The following GRID2 variants were observed in gnomAD, a reference collection of about 807,000 sequenced individuals.
GRID2 encodes the protein glutamate ionotropic receptor delta type subunit 2, also known as glutamate receptor ionotropic, delta-2.
A neutral mutation model predicts 114.8 loss-of-function variants in GRID2; 33 were observed. The observed-to-expected ratio is 0.29, with a 90% CI of 0.22 to 0.38. The LOEUF is 0.38. Ranked by LOEUF, GRID2 falls within the 10% of genes least tolerant of loss-of-function variation. The pLI, the probability that GRID2 is intolerant of heterozygous loss-of-function variation, is 1.00. For synonymous variants in GRID2, 505 were observed against 449.9 expected (o/e 1.12, Z -1.55); for missense variants, 1,184 against 1,257.7 (o/e 0.94, Z 0.89).
chr4:93,045,253 G>A (rs935668329), intron 2 of GRID2, among the ~76,000 whole-genome samples: 14 of 152,136 alleles, frequency 9.2e-5, no homozygotes, highest in Non-Finnish European at 1.0e-4. Context: ...TGTCTAGTTG[G>A]CCTTGGTCTA....
At chr4:92,625,496 A>C (rs1181028272) in intron 2 of GRID2, among the ~76,000 whole-genome samples, 1 of 151,844 alleles carries the variant, frequency 6.6e-6, no homozygotes, top group East Asian at 1.9e-4. Context: ...AACCAGGGAA[A>C]TAGTGTTTCG....
intron 2 of GRID2, among the ~76,000 whole-genome samples, chr4:92,715,098 GCCT>G (rs1560549060): frequency 6.6e-6 from 1 of 151,982 alleles, no homozygotes; most frequent in Non-Finnish European, 1.5e-5. Context: ...CACCCAAGTC[GCCT>G]CTTTTGCTGT....
chr4:93,557,877 TAACA>T (rs1174713937), intron 13 of GRID2, among the ~76,000 whole-genome samples: 1 of 152,138 alleles, frequency 6.6e-6, no homozygotes, highest in Non-Finnish European at 1.5e-5. Context: ...ATGGAAATCA[TAACA>T]AACAGTCTCT....
At chr4:93,531,155 G>A (rs1195466661) in intron 13 of GRID2, among the ~76,000 whole-genome samples, 1 of 152,052 alleles carries the variant, frequency 6.6e-6, no homozygotes, top group African/African-American at 2.4e-5. Flanking sequence ...CTAGAAAGCT[G>A]GGAAATAAGG....
chr4:93,597,289 T>C (rs1359865017), intron 13 of GRID2, among the ~76,000 whole-genome samples: 2 of 152,222 alleles, frequency 1.3e-5, no homozygotes, highest in Non-Finnish European at 2.9e-5. Flanking sequence ...AACTATTTTA[T>C]ATATTTTGAT....
chr4:93,329,204 CAAATA>C (rs1235885526), intron 8 of GRID2, among the ~76,000 whole-genome samples: 1 of 152,030 alleles, frequency 6.6e-6, no homozygotes, highest in African/African-American at 2.4e-5. Context: ...ACAGAAGAGT[CAAATA>C]AGATAATGTC....
chr4:92,918,160 A>G (rs1748975115), intron 2 of GRID2, among the ~76,000 whole-genome samples: 2 of 151,902 alleles, frequency 1.3e-5, no homozygotes, highest in African/African-American at 4.8e-5. Flanking sequence ...TTTGTCTGTT[A>G]TTGGTGTATA....
At chr4:93,192,299 AATAG>A (rs1336665451) in intron 4 of GRID2, among the ~76,000 whole-genome samples, 2 of 152,236 alleles carry the variant, frequency 1.3e-5, no homozygotes, top group African/African-American at 2.4e-5. Context: ...TTTTTAGGAA[AATAG>A]ATAGCCTTCT....
At chr4:92,658,885 T>C (rs1161836644) in intron 2 of GRID2, among the ~76,000 whole-genome samples, 4 of 137,866 alleles carry the variant, frequency 2.9e-5, no homozygotes, top group African/African-American at 1.0e-4. Context: ...TATATATATA[T>C]TTATGTACAC....
At chr4:93,193,279 C>A (rs1741165652) in intron 4 of GRID2, among the ~76,000 whole-genome samples, 1 of 152,080 alleles carries the variant, frequency 6.6e-6, no homozygotes, top group South Asian at 2.1e-4. Context: ...TCAAATAGAT[C>A]ATTTGATATG....
At chr4:92,524,662 C>T (rs1428825584) in intron 1 of GRID2, among the ~76,000 whole-genome samples, 4 of 151,908 alleles carry the variant, frequency 2.6e-5, no homozygotes, top group African/African-American at 4.8e-5. Flanking sequence ...CGTCTACTTT[C>T]TTAGTTTCCT....
At chr4:92,753,585 GA>G (rs1737560342) in intron 2 of GRID2, among the ~76,000 whole-genome samples, 1 of 152,138 alleles carries the variant, frequency 6.6e-6, no homozygotes, top group Admixed American at 6.6e-5. Flanking sequence ...GCAAGTATTA[GA>G]AAACAATTCT....
intron 2 of GRID2, among the ~76,000 whole-genome samples, chr4:92,955,827 C>T (rs1023722321): frequency 3.9e-5 from 6 of 152,140 alleles, no homozygotes; most frequent in Non-Finnish European, 5.9e-5. Flanking sequence ...TTTCAGCTTT[C>T]TACATATGGC....
chr4:93,256,066 CA>C (rs777908415), intron 8 of GRID2, among the ~76,000 whole-genome samples: 1 of 152,026 alleles, frequency 6.6e-6, no homozygotes, highest in African/African-American at 2.4e-5. Context: ...TGCTGAAATA[CA>C]AAATAATTTT....
intron 8 of GRID2, among the ~76,000 whole-genome samples, chr4:93,388,127 G>A (rs1764506697): frequency 1.3e-5 from 2 of 152,116 alleles, no homozygotes; most frequent in South Asian, 4.2e-4. Flanking sequence ...ACAGTGATAT[G>A]AGGTAGCCTG....
intron 2 of GRID2, among the ~76,000 whole-genome samples, chr4:92,614,286 C>CT (rs1163245972): frequency 1.3e-5 from 2 of 151,452 alleles, no homozygotes; most frequent in East Asian, 1.9e-4. Context: ...GAACTATTTG[C>CT]TTTTTTTCTG....
intron 2 of GRID2, among the ~76,000 whole-genome samples, chr4:92,728,021 G>C (rs967443323): frequency 3.9e-5 from 6 of 151,976 alleles, no homozygotes; most frequent in Non-Finnish European, 7.4e-5. Context: ...GAATTTTCTT[G>C]GTTTAATTTG....
intron 6 of GRID2, among the ~76,000 whole-genome samples, chr4:93,223,379 A>T (rs940988561): frequency 6.6e-6 from 1 of 152,160 alleles, no homozygotes; most frequent in Non-Finnish European, 1.5e-5. Context: ...AACACAAAGG[A>T]TTGAAGATTT....
intron 1 of GRID2, among the ~76,000 whole-genome samples, chr4:92,332,720 T>C (rs1010627458): frequency 4.6e-5 from 7 of 152,176 alleles, no homozygotes; most frequent in Non-Finnish European, 8.8e-5. Flanking sequence ...AGGCATAGGG[T>C]AGACATTTCC....
Sources: gnomAD v4.1 joint callset for allele counts (sites outside exome capture counted in the v4.1 genomes callset) on GRCh38, gnomAD v4.1.1 for gene constraint, MANE v1.5 for transcripts, NCBI Gene and HGNC (gene_info 2026-07-23, HGNC 2026-07-21) for gene names.